The following ZCCHC24 variants were observed in gnomAD, a reference collection of about 807,000 sequenced individuals.
ZCCHC24 encodes zinc finger CCHC domain-containing protein 24.
In ZCCHC24, 10 loss-of-function variants were observed where a neutral mutation model predicts 26.2. The ratio of observed to expected loss-of-function variants is 0.38; its 90% CI spans 0.24 to 0.65. ZCCHC24 has a LOEUF of 0.65. Ranked by LOEUF, ZCCHC24 falls within the 30% of genes least tolerant of loss-of-function variation. ZCCHC24 has a pLI of 0.54. For missense variants in ZCCHC24, 243 were observed against 329.1 expected (o/e 0.74, Z 2.03); for synonymous variants, 144 against 147.1 (o/e 0.98, Z 0.15).
rs548876762 is a variant in ZCCHC24 at position 79,439,758 on chromosome 10, G to A, written c.246+5437C>T. Among the ~76,000 whole-genome samples the A allele has an allele frequency of 1.4e-3, 208 of 144,368 alleles. 1 individual carries two copies. Among genetic ancestry groups the A allele is most frequent in the African/African-American group, 5.4e-3 (204 of 37,910 alleles). 94.7% of individuals were successfully genotyped at this position (144,368 alleles called of 152,430 possible). On this transcript the variant is annotated intron_variant, in intron 1 of 3. Coordinates refer to ENST00000372336, the MANE Select transcript of ZCCHC24 (RefSeq NM_153367.4). Reference sequence around the variant, plus strand: ...TGCAGTGAGCAGAGATTGTGCCACTGCACTCCAACCTAGGTGACAGAGCCA... The same window carrying A: ...TGCAGTGAGCAGAGATTGTGCCACTACACTCCAACCTAGGTGACAGAGCCA...
chr10:79,436,867 T>C (rs985283375), intron 1 of ZCCHC24, among the ~76,000 whole-genome samples: 1 of 152,092 alleles, frequency 6.6e-6, no homozygotes, highest in African/African-American at 2.4e-5. Flanking sequence ...TCACCAGGCT[T>C]AGGGAAGAGG....
chr10:79,394,201 G>A, intron 3 of ZCCHC24, 75 bp downstream of exon 3: 1 of 1,548,908 alleles, frequency 6.5e-7, no homozygotes, highest in South Asian at 1.2e-5. Context: ...GTAGGAGGGA[G>A]TAAACTGAGG....
intron 1 of ZCCHC24, 82 bp downstream of exon 1, chr10:79,445,113 A>G: frequency 8.6e-7 from 1 of 1,169,506 alleles, no homozygotes; most frequent in Non-Finnish European, 1.1e-6. Flanking sequence ...GGCCAGGAAG[A>G]GCGGGTCAGA....
At chr10:79,413,760 ATGTGTG>A (rs142243601) in intron 2 of ZCCHC24, among the ~76,000 whole-genome samples, 11 of 144,504 alleles carry the variant, frequency 7.6e-5, no homozygotes, top group Admixed American at 1.4e-4. Flanking sequence ...GTGCGTGCGC[ATGTGTG>A]TGTGTGTGTG....
At chr10:79,392,406 CAG>C (rs1473393704) in intron 3 of ZCCHC24, among the ~76,000 whole-genome samples, 1 of 152,196 alleles carries the variant, frequency 6.6e-6, no homozygotes, top group African/African-American at 2.4e-5. Flanking sequence ...ACTGAGAAAA[CAG>C]AAGCCTTGGA....
At chr10:79,402,346 G>A (rs916367829) in intron 2 of ZCCHC24, among the ~76,000 whole-genome samples, 4 of 151,920 alleles carry the variant, frequency 2.6e-5, no homozygotes, top group South Asian at 2.1e-4. Flanking sequence ...CGTGATCTCC[G>A]CTCACTGCAA....
At chr10:79,423,932 C>T (rs1305444827) in intron 2 of ZCCHC24, among the ~76,000 whole-genome samples, 1 of 149,990 alleles carries the variant, frequency 6.7e-6, no homozygotes, top group East Asian at 2.0e-4. Context: ...GCAGGAGAAT[C>T]GCTTGAACCC....
intron 2 of ZCCHC24, chr10:79,403,408 G>C: frequency 1.0e-6 from 1 of 985,452 alleles, no homozygotes; most frequent in Non-Finnish European, 1.2e-6. Flanking sequence ...ACCAACCAAA[G>C]ACCTCCACAC....
At position 79,444,603 on chromosome 10, in the gene ZCCHC24, GGGAGGGCGAGCAGCT is replaced by G. The variant is rs1358593861; in HGVS notation, c.246+577_246+591del. On this transcript the variant is annotated intron_variant, in intron 1 of 3. Transcript: ENST00000372336. Reference sequence around the variant, plus strand: ...CAGAAACCACTTCCTATGTGGCTGGGGGAGGGCGAGCAGCTGGAGGACGTATCTGGGGTCCCCGAG... The same window carrying G: ...CAGAAACCACTTCCTATGTGGCTGGGGGAGGACGTATCTGGGGTCCCCGAG... Among the ~76,000 whole-genome samples the G allele has an allele frequency of 2.6e-5, 4 of 152,334 alleles. No homozygotes were observed. The East Asian group carries it at 5.8e-4, about 22-fold the overall frequency.
Position 79,445,494 on chromosome 10 carries a change from G to T in ZCCHC24, c.-54C>A. 1.5e-6 allele frequency: 2 copies of T among 1,292,176 alleles called. No homozygotes were observed. Among genetic ancestry groups the T allele is most frequent in the East Asian group, 3.2e-5 (1 of 31,642 alleles). The allele number at this position is 1,292,176 out of a possible 1,614,324, so 80.0% of individuals were successfully genotyped here. ...GGCCGCCCGCTCGCGGCCCCCCTCC[G>T]CAGCGGAGGGGCGGGCACCGGGGAG... On this transcript the variant is annotated 5_prime_UTR_variant, in exon 1 of 4. Coordinates refer to ENST00000372336, the MANE Select transcript of ZCCHC24 (RefSeq NM_153367.4).
At chr10:79,441,048 C>T (rs2132225917) in intron 1 of ZCCHC24, among the ~76,000 whole-genome samples, 1 of 148,480 alleles carries the variant, frequency 6.7e-6, no homozygotes, top group South Asian at 2.1e-4. Context: ...ATAGAATGGC[C>T]ATTACTCTCA....
intron 3 of ZCCHC24, among the ~76,000 whole-genome samples, chr10:79,392,493 G>A (rs938100901): frequency 3.3e-5 from 5 of 152,066 alleles, no homozygotes; most frequent in African/African-American, 1.2e-4. Flanking sequence ...CTCCTGTGCC[G>A]ATGGGTGAAG....
chr10:79,386,650 A>C (rs1554839808), intron 3 of ZCCHC24, among the ~76,000 whole-genome samples, 192 bp from the exon 4 acceptor site: 1 of 152,050 alleles, frequency 6.6e-6, no homozygotes, highest in Non-Finnish European at 1.5e-5. Flanking sequence ...ACACCCGATG[A>C]GGGGTGGGGA....
chr10:79,432,564 G>A lies in ZCCHC24; in HGVS notation c.441C>T (p.Cys147=). 3 of 1,594,806 alleles carry A rather than the reference G, an allele frequency of 1.9e-6. No individual in the cohort carries two copies. Among genetic ancestry groups the A allele is most frequent in the Non-Finnish European group, 1.7e-6 (2 of 1,170,376 alleles). Residue 147 remains cysteine (C), a synonymous_variant, in exon 2 of 4, where the codon TGC becomes TGT. Transcript: ENST00000372336. ...CFNKGHYIKD[C]PQARPKGEGL... is the part of the protein sequence containing the mutation. ...TGGGCCAGGGCTGCCTTACCTGGGG[G>A]CAGTCCTTGATGTAGTGTCCTTTGT...
chr10:79,429,687 C>A (rs541100255), intron 2 of ZCCHC24, among the ~76,000 whole-genome samples: 2 of 152,246 alleles, frequency 1.3e-5, no homozygotes, highest in East Asian at 3.9e-4. Context: ...CAGGCATATA[C>A]GAAAATCACT....
chr10:79,419,666 C>A (rs984266394), intron 2 of ZCCHC24, among the ~76,000 whole-genome samples: 5 of 152,170 alleles, frequency 3.3e-5, no homozygotes, highest in African/African-American at 9.7e-5. Flanking sequence ...CAGAGGAGGC[C>A]AGTCCCTCTG....
intron 2 of ZCCHC24, among the ~76,000 whole-genome samples, chr10:79,429,904 G>A (rs931241304): frequency 4.3e-4 from 66 of 152,284 alleles, no homozygotes; most frequent in African/African-American, 1.3e-3. Context: ...GCACCGCTGC[G>A]TGTGAGGTCC....
chr10:79,409,981 C>G lies in ZCCHC24; in HGVS notation c.448-15541G>C, dbSNP rs527509032. 3.9e-5 allele frequency among the ~76,000 whole-genome samples: 6 copies of G among 152,298 alleles called. No individual in the cohort carries two copies. The South Asian group carries it at 1.2e-3, about 32-fold the overall frequency. ...GCAGGGGATGCGTTCAACCCTGTGC[C>G]TCCGCCCCTCCCCTCCCAGCCAACT... On this transcript the variant is annotated intron_variant, in intron 2 of 3. Transcript: ENST00000372336.
chr10:79,418,382 G>C (rs552020453), intron 2 of ZCCHC24, among the ~76,000 whole-genome samples: 2 of 152,136 alleles, frequency 1.3e-5, no homozygotes, highest in African/African-American at 4.8e-5. Context: ...GAGAGCTCGG[G>C]CCTTCTGACC....
Sources: gnomAD v4.1 joint callset for allele counts (sites outside exome capture counted in the v4.1 genomes callset) on GRCh38, gnomAD v4.1.1 for gene constraint, MANE v1.5 for transcripts, NCBI Gene and HGNC (gene_info 2026-07-23, HGNC 2026-07-21) for gene names.